BSPH1: variants seen among roughly 807,000 people sequenced by gnomAD.
BSPH1 encodes the protein binder of sperm protein homolog 1, also known as binder of sperm 1.
In BSPH1, 21 loss-of-function variants were observed where a neutral mutation model predicts 22.5. The ratio of observed to expected loss-of-function variants is 0.93; its 90% confidence interval spans 0.66 to 1.35. BSPH1 has a LOEUF of 1.35. Ranked by LOEUF, BSPH1 falls within the 40% of genes most tolerant of loss-of-function variation. The pLI, the probability that BSPH1 is intolerant of heterozygous loss-of-function variation, is 0.00. For synonymous variants in BSPH1, 42 were observed against 53.6 expected (o/e 0.78, Z 0.95); for missense variants, 141 against 154.2 (o/e 0.91, Z 0.45).
intron 1 of BSPH1, among the ~76,000 whole-genome samples, chr19:47,989,000 C>T (rs76041716): frequency 0.12 from 18,459 of 151,736 alleles, 1,265 homozygotes; most frequent in Middle Eastern, 0.2. Context: ...CCCACTAGAT[C>T]GTGCACTAGT....
chr19:47,990,819 A>G lies in BSPH1; in HGVS notation c.73+1190T>C, dbSNP rs114586597. Among the ~76,000 whole-genome samples the G allele has an allele frequency of 5.3e-3, 805 of 152,330 alleles. 8 individuals are homozygous for G. The highest frequency in any genetic ancestry group is 0.018 in the African/African-American group (768 of 41,572). ...TTGTTACAGGCAACACGACTTTGGA[A>G]AAGGAATAAAATCGACTTTATGAAA... On this transcript the variant is annotated intron_variant, in intron 1 of 5. Coordinates refer to ENST00000344839, the MANE Select transcript of BSPH1 (RefSeq NM_001128326.2).
intron 5 of BSPH1, among the ~76,000 whole-genome samples, chr19:47,970,232 T>G (rs1002605387): frequency 3.9e-5 from 6 of 152,054 alleles, no homozygotes; most frequent in Non-Finnish European, 8.8e-5. Context: ...CTAATTTTCG[T>G]ATTTTTAGTA....
chr19:47,968,700 A>AAAG (rs1555730475), intron 5 of BSPH1, among the ~76,000 whole-genome samples: 2 of 149,500 alleles, frequency 1.3e-5, no homozygotes, highest in Non-Finnish European at 3.0e-5. Context: ...AAAAAAAAAA[A>AAAG]AAAGAAATCA....
At chr19:47,975,332 C>T (rs1159934440) in intron 5 of BSPH1, among the ~76,000 whole-genome samples, 1 of 151,440 alleles carries the variant, frequency 6.6e-6, no homozygotes, top group Non-Finnish European at 1.5e-5. Flanking sequence ...CTCCTGGCCT[C>T]TATAATCAAA....
chr19:47,988,211 C>T (rs1480244656), intron 1 of BSPH1, among the ~76,000 whole-genome samples: 1 of 152,138 alleles, frequency 6.6e-6, no homozygotes, highest in Non-Finnish European at 1.5e-5. Flanking sequence ...GTATCGACTA[C>T]TAAATCCAAA....
At chr19:47,985,734 C>A (rs1201323719) in intron 1 of BSPH1, among the ~76,000 whole-genome samples, 1 of 151,782 alleles carries the variant, frequency 6.6e-6, no homozygotes, top group African/African-American at 2.4e-5. Flanking sequence ...ACTGAGGCAG[C>A]TGAGGCAGGA....
At position 47,992,005 on chromosome 19, in the gene BSPH1, AT is replaced by A; in HGVS notation, c.73+3del. 6.5e-7 allele frequency: 1 copy of A among 1,536,606 alleles called. No homozygotes were observed. Among genetic ancestry groups the A allele is most frequent in the Non-Finnish European group, 8.8e-7 (1 of 1,133,574 alleles). ...CATAGGAAGAAATATAGAAAAAGAA[AT>A]ACTTAAAATAACAGGGAAGATGCAA... On this transcript the variant is annotated splice_donor_region_variant and intron_variant, in intron 1 of 5. Coordinates refer to ENST00000344839, the MANE Select transcript of BSPH1 (RefSeq NM_001128326.2).
intron 5 of BSPH1, among the ~76,000 whole-genome samples, chr19:47,973,060 A>T (rs986250438): frequency 1.8e-4 from 27 of 151,552 alleles, no homozygotes; most frequent in African/African-American, 6.5e-4. Context: ...TTCTAAAAAT[A>T]CAAAAAATTA....
intron 3 of BSPH1, among the ~76,000 whole-genome samples, chr19:47,978,694 A>G (rs1176801892): frequency 6.6e-6 from 1 of 152,224 alleles, no homozygotes; most frequent in African/African-American, 2.4e-5. Flanking sequence ...ATTAGCACGA[A>G]GCATTTACAC....
At chr19:47,981,141 T>C (rs1288989342) in intron 1 of BSPH1, among the ~76,000 whole-genome samples, 200 bp from the exon 2 acceptor site, 1 of 152,156 alleles carries the variant, frequency 6.6e-6, no homozygotes, top group Non-Finnish European at 1.5e-5. Context: ...TCAAATATTA[T>C]TAAAGGATAG....
At chr19:47,970,335 A>C (rs965210344) in intron 5 of BSPH1, among the ~76,000 whole-genome samples, 26 of 152,230 alleles carry the variant, frequency 1.7e-4, no homozygotes, top group African/African-American at 5.8e-4. Context: ...CTGGGATCAC[A>C]GGCATGAACG....
intron 3 of BSPH1, among the ~76,000 whole-genome samples, chr19:47,977,886 A>G (rs1969380576): frequency 2.0e-5 from 3 of 150,722 alleles, no homozygotes; most frequent in Non-Finnish European, 3.0e-5. Context: ...TCCCTCTCCC[A>G]TGCAACTATA....
intron 5 of BSPH1, among the ~76,000 whole-genome samples, chr19:47,972,802 TTTTA>T (rs912041848): frequency 2.6e-5 from 4 of 151,988 alleles, no homozygotes; most frequent in Admixed American, 1.3e-4. Context: ...AAATTCCCAG[TTTTA>T]TTTCCTTCCT....
intron 1 of BSPH1, among the ~76,000 whole-genome samples, chr19:47,987,993 C>T (rs1969486836): frequency 1.3e-5 from 2 of 151,420 alleles, no homozygotes; most frequent in Admixed American, 6.6e-5. Flanking sequence ...GAGCCCTTGT[C>T]TCAAAAACAA....
At chr19:47,983,927 C>A (rs1434606134) in intron 1 of BSPH1, among the ~76,000 whole-genome samples, 2 of 151,396 alleles carry the variant, frequency 1.3e-5, no homozygotes, top group Non-Finnish European at 2.9e-5. Flanking sequence ...ACCTCTGCCT[C>A]CTGGGTTCCA....
chr19:47,973,043 C>T (rs1403755539), intron 5 of BSPH1, among the ~76,000 whole-genome samples: 1 of 151,602 alleles, frequency 6.6e-6, no homozygotes, highest in African/African-American at 2.4e-5. Context: ...CGGTGAAACC[C>T]CGTCTCTTCT....
At chr19:47,969,404 T>C (rs1465276646) in intron 5 of BSPH1, among the ~76,000 whole-genome samples, 1 of 152,096 alleles carries the variant, frequency 6.6e-6, no homozygotes, top group Admixed American at 6.5e-5. Flanking sequence ...ATATATGCTT[T>C]TGGGGTTTAG....
In BSPH1 at chr19:47,992,085, C is replaced by T; in HGVS notation, c.-4G>A. Reference sequence around the variant, plus strand: ...AGAGAAGCATCAGGGAGCCCATGGGCAGTCACAGGCTTCCCGGTATCTCAG... The same window carrying T: ...AGAGAAGCATCAGGGAGCCCATGGGTAGTCACAGGCTTCCCGGTATCTCAG... On this transcript the variant is annotated 5_prime_UTR_variant, in exon 1 of 6. Transcript: ENST00000344839. The T allele has an allele frequency of 6.5e-7, 1 of 1,550,316 alleles. No individual in the cohort carries two copies. The highest frequency in any genetic ancestry group is 8.7e-7 in the Non-Finnish European group (1 of 1,145,838).
At chr19:47,973,443 C>T (rs893735331) in intron 5 of BSPH1, among the ~76,000 whole-genome samples, 6 of 152,012 alleles carry the variant, frequency 3.9e-5, no homozygotes, top group African/African-American at 1.4e-4. Flanking sequence ...CTCTGTGGTC[C>T]TTCCACCTCC....
Sources: gnomAD v4.1 joint callset for allele counts (sites outside exome capture counted in the v4.1 genomes callset) on GRCh38, gnomAD v4.1.1 for gene constraint, MANE v1.5 for transcripts, NCBI Gene and HGNC (gene_info 2026-07-23, HGNC 2026-07-21) for gene names.